Variants in LRRTM4 observed in about 807,000 individuals in gnomAD.
LRRTM4 encodes leucine-rich repeat transmembrane neuronal protein 4.
In LRRTM4, 25 loss-of-function variants were observed where a neutral mutation model predicts 47.6. The observed-to-expected ratio is 0.53, with a 90% CI of 0.38 to 0.73. The LOEUF is 0.73. Among genes scored for constraint, LRRTM4 ranks in the 30% least tolerant of loss-of-function variants. LRRTM4 has a pLI of 0.00. For missense variants in LRRTM4, 638 were observed against 713.4 expected (o/e 0.89, Z 1.20); for synonymous variants, 311 against 269.5 (o/e 1.15, Z -1.51).
At chr2:77,213,337 G>A (rs921380863) in intron 3 of LRRTM4, among the ~76,000 whole-genome samples, 5 of 151,978 alleles carry the variant, frequency 3.3e-5, no homozygotes, top group Non-Finnish European at 7.4e-5. Flanking sequence ...GATCTTAATC[G>A]CAACCAGCTC....
At chr2:77,078,409 T>C (rs969504061) in intron 3 of LRRTM4, among the ~76,000 whole-genome samples, 17 of 148,588 alleles carry the variant, frequency 1.1e-4, no homozygotes, top group African/African-American at 3.5e-4. Context: ...CACACACACA[T>C]GTTCTGGTGC....
chr2:77,360,240 G>C (rs991630313), intron 3 of LRRTM4, among the ~76,000 whole-genome samples: 1 of 151,980 alleles, frequency 6.6e-6, no homozygotes, highest in Non-Finnish European at 1.5e-5. Flanking sequence ...GGCGAATCAC[G>C]AGGTCAGGAG....
chr2:77,006,266 C>T (rs1677641910), intron 3 of LRRTM4, among the ~76,000 whole-genome samples: 1 of 152,184 alleles, frequency 6.6e-6, no homozygotes, highest in African/African-American at 2.4e-5. Context: ...GACCCTAACA[C>T]TTTGGGAATC....
chr2:77,333,055 C>T (rs911710130), intron 3 of LRRTM4, among the ~76,000 whole-genome samples: 14 of 152,242 alleles, frequency 9.2e-5, no homozygotes, highest in Admixed American at 5.2e-4. Context: ...TGTGCATAAG[C>T]TCTCTGTTCA....
rs542528771 is a variant in LRRTM4, at chr2:76,999,548, C to A, written c.1552-250632G>T. 2.0e-5 allele frequency among the ~76,000 whole-genome samples: 3 copies of A among 151,920 alleles called. No homozygotes were observed. The East Asian group carries it at 5.8e-4, about 29-fold the overall frequency. On this transcript the variant is annotated intron_variant, in intron 3 of 3. Transcript: ENST00000409884. ...AAAATCAACATATATTGAGCCTAGG[C>A]GGGCCAAAACAGAGATACTCCATTT... is the stretch of plus-strand genomic sequence containing the variant.
At position 77,154,348 on chromosome 2, in the gene LRRTM4, G is replaced by A. The variant is rs562612699; in HGVS notation, c.1551+363970C>T. Among the ~76,000 whole-genome samples, 4 of 152,258 alleles carry A rather than the reference G, an allele frequency of 2.6e-5. No individual in the cohort carries two copies. In the South Asian group the frequency reaches 8.3e-4, roughly 32 times the overall value. On this transcript the variant is annotated intron_variant, in intron 3 of 3. Transcript: ENST00000409884. Reference sequence around the variant, plus strand: ...GAGAAGAATTTTATAAAATGCAGCTGAGTAATAGAAGACATGGTCCACCTC... The same window carrying A: ...GAGAAGAATTTTATAAAATGCAGCTAAGTAATAGAAGACATGGTCCACCTC...
chr2:77,348,024 T>TAC (rs10597438), intron 3 of LRRTM4, among the ~76,000 whole-genome samples: 68,789 of 148,328 alleles, frequency 0.46, 17,088 homozygotes, highest in Non-Finnish European at 0.57. Context: ...AAAACACAAG[T>TAC]ACACACACAC....
chr2:77,174,674 T>C (rs2103842172), intron 3 of LRRTM4, among the ~76,000 whole-genome samples: 1 of 152,254 alleles, frequency 6.6e-6, no homozygotes, highest in African/African-American at 2.4e-5. Flanking sequence ...ACTTTAAGTT[T>C]TAGGGTACAT....
chr2:77,015,927 G>C (rs556777165), intron 3 of LRRTM4, among the ~76,000 whole-genome samples: 3 of 152,048 alleles, frequency 2.0e-5, no homozygotes, highest in Non-Finnish European at 4.4e-5. Flanking sequence ...GACCAGCCTG[G>C]CCAACATAGC....
chr2:76,778,730 T>C (rs1674177026), intron 3 of LRRTM4, among the ~76,000 whole-genome samples: 1 of 151,236 alleles, frequency 6.6e-6, no homozygotes, highest in African/African-American at 2.4e-5. Flanking sequence ...TTCATTAATT[T>C]TTTGAAGGGT....
At chr2:77,156,238 C>A (rs1672555875) in intron 3 of LRRTM4, among the ~76,000 whole-genome samples, 1 of 149,556 alleles carries the variant, frequency 6.7e-6, no homozygotes, top group Admixed American at 6.7e-5. Flanking sequence ...AGAAGCACAA[C>A]TATGAAATAA....
intron 3 of LRRTM4, among the ~76,000 whole-genome samples, chr2:76,881,619 GA>G (rs945656729): frequency 8.0e-5 from 12 of 150,018 alleles, no homozygotes; most frequent in East Asian, 2.0e-4. Flanking sequence ...TACTTTTTAG[GA>G]AAAAAAACTG....
intron 3 of LRRTM4, among the ~76,000 whole-genome samples, chr2:76,849,818 T>C (rs553456985): frequency 6.6e-6 from 1 of 152,232 alleles, no homozygotes; most frequent in South Asian, 2.1e-4. Context: ...CTCTTAGAAG[T>C]TGAAGACAAT....
In LRRTM4 at chr2:77,519,654, C is replaced by T; in HGVS notation, c.215G>A (p.Ser72Asn). 1 of 1,613,452 alleles carries T rather than the reference C, an allele frequency of 6.2e-7. No individual in the cohort carries two copies. The highest frequency in any genetic ancestry group is 8.5e-7 in the Non-Finnish European group (1 of 1,179,606). The change falls in exon 3 of 4, where the codon AGC becomes AAC. Residue 72 changes from serine to asparagine, a missense_variant. Coordinates refer to ENST00000409884, the MANE Select transcript of LRRTM4 (RefSeq NM_001134745.3). This position sits in a 1 kb window ranked among gnomAD's most constrained non-coding sequence, Gnocchi z 4.6. ...CTGATTGGATTTGAGCTTCTGAATG[C>T]TGTTGAACCTTAATGATAAGCCTTG... ...GSQGLSLRFNSIQKLKSNQFA... is the reference protein window; with the variant it reads ...GSQGLSLRFNNIQKLKSNQFA...
intron 3 of LRRTM4, among the ~76,000 whole-genome samples, chr2:77,489,790 T>C (rs978131929): frequency 6.6e-6 from 1 of 152,220 alleles, no homozygotes. Flanking sequence ...CATTTATGAT[T>C]CTCAAACACG....
chr2:76,903,200 T>C (rs1673702120), intron 3 of LRRTM4, among the ~76,000 whole-genome samples: 1 of 151,792 alleles, frequency 6.6e-6, no homozygotes, highest in Admixed American at 6.6e-5. Context: ...TGAAACCCCG[T>C]CTCTACTAAA....
intron 3 of LRRTM4, among the ~76,000 whole-genome samples, chr2:76,938,206 C>G (rs531784329): frequency 2.8e-4 from 43 of 152,200 alleles, no homozygotes; most frequent in Non-Finnish European, 5.4e-4. Flanking sequence ...AATCCATCTA[C>G]TGCCAAGTAC....
intron 3 of LRRTM4, among the ~76,000 whole-genome samples, chr2:77,349,395 G>A (rs1671679690): frequency 6.6e-6 from 1 of 151,516 alleles, no homozygotes. Flanking sequence ...AGAAGAAATG[G>A]TAACAGAAAC....
intron 3 of LRRTM4, among the ~76,000 whole-genome samples, chr2:77,194,698 T>A (rs1430698675): frequency 7.9e-5 from 12 of 152,000 alleles, no homozygotes; most frequent in Admixed American, 7.9e-4. Flanking sequence ...GCAAAACACC[T>A]CTTATTAGCA....
Sources: allele counts gnomAD v4.1 joint callset (sites outside exome capture counted in the v4.1 genomes callset), GRCh38; gene constraint gnomAD v4.1.1; non-coding constraint Gnocchi (gnomAD v3.1); transcripts MANE v1.5; gene names NCBI Gene and HGNC (gene_info 2026-07-23, HGNC 2026-07-21).